The following LCLAT1 variants were observed in gnomAD, a reference collection of about 807,000 sequenced individuals.
LCLAT1 encodes 1-AGP acyltransferase 8.
Under a neutral mutation model 30.7 loss-of-function variants are expected in LCLAT1, and 11 were observed. The observed-to-expected ratio is 0.36, with a 90% CI of 0.23 to 0.59. The LOEUF (loss-of-function observed/expected upper bound fraction) is 0.59, where lower values mean the gene tolerates loss of function less well. LCLAT1 is among the 20% of genes least tolerant of loss of function. The pLI, the probability that LCLAT1 is intolerant of heterozygous loss-of-function variation, is 0.77. For synonymous variants in LCLAT1, 155 were observed against 151.3 expected, an observed-to-expected ratio of 1.02 and a Z score of -0.18; for missense variants, 402 against 458.6, an observed-to-expected ratio of 0.88 and a Z score of 1.13.
intron 3 of LCLAT1, among the ~76,000 whole-genome samples, chr2:30,561,286 G>A (rs187969253): frequency 6.6e-6 from 1 of 152,044 alleles, no homozygotes; most frequent in East Asian, 1.9e-4. Flanking sequence ...TCTGCTCTTT[G>A]GTCTGTCCAT....
intron 1 of LCLAT1, among the ~76,000 whole-genome samples, chr2:30,516,196 C>G (rs1162264564): frequency 6.6e-6 from 1 of 152,192 alleles, no homozygotes; most frequent in Non-Finnish European, 1.5e-5. Flanking sequence ...GGTATTCGAA[C>G]TGGCAGTGGC....
At chr2:30,534,566 C>T (rs1046385948) in intron 3 of LCLAT1, among the ~76,000 whole-genome samples, 5 of 152,138 alleles carry the variant, frequency 3.3e-5, no homozygotes, top group Admixed American at 1.3e-4. Context: ...TGAGCCACTG[C>T]GCCCGGCCAA....
At chr2:30,608,824 G>T (rs1316366677) in intron 5 of LCLAT1, among the ~76,000 whole-genome samples, 1 of 152,124 alleles carries the variant, frequency 6.6e-6, no homozygotes, top group East Asian at 1.9e-4. Flanking sequence ...ACACATAGTT[G>T]TATGTCCAAG....
At chr2:30,494,007 CTAAA>C (rs1433739535) in intron 1 of LCLAT1, among the ~76,000 whole-genome samples, 1 of 151,788 alleles carries the variant, frequency 6.6e-6, no homozygotes, top group Non-Finnish European at 1.5e-5. Flanking sequence ...AGTCCAATAA[CTAAA>C]TAACCAACTA....
intron 5 of LCLAT1, among the ~76,000 whole-genome samples, chr2:30,574,108 C>T (rs968623013): frequency 6.6e-6 from 1 of 151,988 alleles, no homozygotes; most frequent in African/African-American, 2.4e-5. Context: ...CACCACTATA[C>T]TCCAGCCTGG....
chr2:30,447,665 G>T (rs2148245118), intron 1 of LCLAT1: 1 of 152,272 alleles, frequency 6.6e-6, no homozygotes, highest in Admixed American at 6.5e-5. Flanking sequence ...AGCGGCGAGG[G>T]CGAGGTAGCC....
chr2:30,497,084 A>G (rs1684155383), intron 1 of LCLAT1, among the ~76,000 whole-genome samples: 1 of 152,238 alleles, frequency 6.6e-6, no homozygotes, highest in African/African-American at 2.4e-5. Context: ...AGGTAAAAGT[A>G]TTCTTTGCAA....
chr2:30,566,008 T>C (rs1199791551), intron 4 of LCLAT1, among the ~76,000 whole-genome samples: 1 of 152,104 alleles, frequency 6.6e-6, no homozygotes, highest in African/African-American at 2.4e-5. Context: ...AGTAGTCCCA[T>C]GGGCGGAAGG....
chr2:30,570,858 G>C (rs1260808057), intron 5 of LCLAT1, among the ~76,000 whole-genome samples: 1 of 152,114 alleles, frequency 6.6e-6, no homozygotes, highest in East Asian at 1.9e-4. Flanking sequence ...GGCATCAGTT[G>C]GGGAGTTGAG....
At chr2:30,554,454 G>A (rs913802328) in intron 3 of LCLAT1, among the ~76,000 whole-genome samples, 6 of 152,154 alleles carry the variant, frequency 3.9e-5, no homozygotes, top group Non-Finnish European at 7.4e-5. Flanking sequence ...GTTTAGTACC[G>A]TGATTTAAAA....
At chr2:30,534,179 T>G (rs1572584556) in intron 3 of LCLAT1, among the ~76,000 whole-genome samples, 1 of 149,750 alleles carries the variant, frequency 6.7e-6, no homozygotes, top group East Asian at 1.9e-4. Context: ...CAGGATAGAC[T>G]AGTAAGGATA....
chr2:30,639,261 A>G (rs1439078593), intron 5 of LCLAT1, among the ~76,000 whole-genome samples: 2 of 152,162 alleles, frequency 1.3e-5, no homozygotes, highest in African/African-American at 2.4e-5. Flanking sequence ...ACGTGTTCCC[A>G]TAAGGTCTAT....
At chr2:30,469,704 G>T (rs991829987) in intron 1 of LCLAT1, among the ~76,000 whole-genome samples, 1 of 151,120 alleles carries the variant, frequency 6.6e-6, no homozygotes, top group African/African-American at 2.4e-5. Flanking sequence ...TCAGTCTGCT[G>T]AGTAGCTGGG....
chr2:30,566,624 T>C (rs927646068), intron 4 of LCLAT1, among the ~76,000 whole-genome samples: 2 of 152,226 alleles, frequency 1.3e-5, no homozygotes, highest in African/African-American at 4.8e-5. Flanking sequence ...TGTGTCGATA[T>C]AGATATTTTT....
intron 1 of LCLAT1, among the ~76,000 whole-genome samples, chr2:30,471,831 T>G (rs1160498404): frequency 6.6e-6 from 1 of 152,224 alleles, no homozygotes; most frequent in Non-Finnish European, 1.5e-5. Flanking sequence ...AGATTCTTCC[T>G]TCTGATTTGG....
chr2:30,454,193 G>A (rs190842523), intron 1 of LCLAT1, among the ~76,000 whole-genome samples: 2 of 152,316 alleles, frequency 1.3e-5, no homozygotes. Context: ...TGTCTATAAT[G>A]TGGGAGATTT....
intron 5 of LCLAT1, among the ~76,000 whole-genome samples, chr2:30,608,210 A>G (rs542387457): frequency 6.6e-6 from 1 of 151,734 alleles, no homozygotes; most frequent in South Asian, 2.1e-4. Flanking sequence ...ATTCCCATCT[A>G]CTTGGGAGGC....
intron 1 of LCLAT1, among the ~76,000 whole-genome samples, chr2:30,515,632 T>C (rs1262244316): frequency 6.6e-6 from 1 of 152,234 alleles, no homozygotes; most frequent in Non-Finnish European, 1.5e-5. Context: ...CAGGATTATC[T>C]ACAGTTCACT....
intron 5 of LCLAT1, among the ~76,000 whole-genome samples, chr2:30,621,562 T>C (rs1009470454): frequency 6.6e-6 from 1 of 152,020 alleles, no homozygotes; most frequent in Non-Finnish European, 1.5e-5. Flanking sequence ...CACAGACCCT[T>C]TGATGGAAGC....
Sources: gnomAD v4.1 joint callset for allele counts (sites outside exome capture counted in the v4.1 genomes callset) on GRCh38, gnomAD v4.1.1 for gene constraint, MANE v1.5 for transcripts, NCBI Gene and HGNC (gene_info 2026-07-23, HGNC 2026-07-21) for gene names.